FNDC1: variants seen among roughly 807,000 people sequenced by gnomAD.
FNDC1 encodes the protein fibronectin type III domain containing 1.
FNDC1 carries 96 observed loss-of-function variants against 168.0 expected under a neutral mutation model. That is an observed-to-expected ratio of 0.57 (90% CI 0.48 to 0.68). The LOEUF (loss-of-function observed/expected upper bound fraction) is 0.68, where lower values mean the gene tolerates loss of function less well. Ranked by LOEUF, FNDC1 falls within the 30% of genes least tolerant of loss-of-function variation. The pLI, the probability that FNDC1 is intolerant of heterozygous loss-of-function variation, is 0.00. For missense variants in FNDC1, 2,587 were observed against 2,482.1 expected (o/e 1.04, Z -0.90); for synonymous variants, 1,099 against 1,025.9 (o/e 1.07, Z -1.36).
intron 1 of FNDC1, among the ~76,000 whole-genome samples, chr6:159,176,286 A>G (rs754361102): frequency 1.1e-4 from 17 of 152,146 alleles, no homozygotes; most frequent in Non-Finnish European, 2.1e-4. Context: ...TCATTCATTC[A>G]TCCATTCAGC....
chr6:159,256,653 G>T (rs1216458726), intron 18 of FNDC1, 22 bp downstream of exon 18: 13 of 1,526,888 alleles, frequency 8.5e-6, no homozygotes, highest in African/African-American at 1.4e-5. Context: ...CAGTCATTTA[G>T]AAAAGATGAG....
chr6:159,236,249 C>G lies in FNDC1; in HGVS notation c.4002C>G (p.Val1334=), dbSNP rs748943671. ...GCAGACCAAATGTAGAAGGGAAAGT[C>G]CTTCCTGGTAGTAATGGAAAACCGA... is the stretch of plus-strand genomic sequence containing the variant. ...YNGRPNVEGK[V]LPGSNGKPNG... The change falls in exon 12 of 23, where the codon GTC becomes GTG. Residue 1334 remains valine (V), a synonymous_variant. Coordinates refer to ENST00000297267, the MANE Select transcript of FNDC1 (RefSeq NM_032532.3). 1.2e-6 allele frequency: 2 copies of G among 1,613,590 alleles called. No individual in the cohort carries two copies. Among genetic ancestry groups the G allele is most frequent in the African/African-American group, 2.7e-5 (2 of 74,898 alleles).
chr6:159,239,837 A>T lies in FNDC1; in HGVS notation c.4501A>T (p.Thr1501Ser). Reference protein sequence around the residue: ...VRTTTRTTTTTTPTPTTPIPT... With the variant: ...VRTTTRTTTTSTPTPTTPIPT... ...AACCACTACGCGGACAACCACCACC[A>T]CCACCCCCACACCCACCACTCCCAT... The change falls in exon 14 of 23, where the codon ACC becomes TCC. Residue 1501 changes from threonine (T) to serine (S), a missense_variant. Physicochemically the swap from Thr to Ser is moderately conservative, Grantham distance 58 (BLOSUM62 1). Transcript: ENST00000297267. 1.3e-6 allele frequency: 2 copies of T among 1,545,036 alleles called. No individual in the cohort carries two copies. Among genetic ancestry groups the T allele is most frequent in the Non-Finnish European group, 8.8e-7 (1 of 1,142,198 alleles).
At chr6:159,178,515 G>T (rs1781814389) in intron 1 of FNDC1, among the ~76,000 whole-genome samples, 1 of 152,070 alleles carries the variant, frequency 6.6e-6, no homozygotes, top group Admixed American at 6.5e-5. Context: ...AGATGCAGAA[G>T]AGTTCTCTGA....
At position 159,169,832 on chromosome 6, in the gene FNDC1, C is replaced by T. The variant is rs1396184958; in HGVS notation, c.109+127C>T. The T allele has an allele frequency of 1.1e-5, 3 of 280,054 alleles. No individual in the cohort carries two copies. The highest frequency in any genetic ancestry group is 1.2e-3 in the Middle Eastern group (1 of 828). The allele number at this position is 280,054 out of a possible 1,614,324, so 17.3% of individuals were successfully genotyped here. On this transcript the variant is annotated intron_variant, in intron 1 of 22. Coordinates refer to ENST00000297267, the MANE Select transcript of FNDC1 (RefSeq NM_032532.3). The surrounding 1 kb of genome is among the most constrained non-coding windows in gnomAD (Gnocchi z 6.8). ...CTAGCCTGTGCGTCCTCGTCACTCG[C>T]GGGTCGGGGCACTTGGCGCCCTGTG...
In FNDC1 at chr6:159,266,125, C is replaced by T; in HGVS notation, c.5326C>T (p.Pro1776Ser). The T allele has an allele frequency of 1.2e-6, 2 of 1,613,904 alleles. No individual in the cohort carries two copies. The highest frequency in any genetic ancestry group is 1.7e-6 in the Non-Finnish European group (2 of 1,179,834). ...IWIPFAFKHDPSYTDCHGRQY... is the reference protein window; with the variant it reads ...IWIPFAFKHDSSYTDCHGRQY... The stretch of plus-strand genomic sequence containing the variant: ...GATCCCATTCGCTTTCAAACATGAT[C>T]CCAGCTACACGGACTGCCATGGACG... Residue 1776 changes from proline to serine, a missense_variant, in exon 21 of 23, where the codon CCC (proline) becomes TCC (serine). Physicochemically the swap from Pro to Ser is moderately conservative, Grantham distance 74. Transcript: ENST00000297267.
rs2114907893 is a variant in FNDC1 at position 159,169,801 on chromosome 6, G to A, written c.109+96G>A. On this transcript the variant is annotated intron_variant, in intron 1 of 22. Transcript: ENST00000297267. The surrounding 1 kb of genome is among the most constrained non-coding windows in gnomAD (Gnocchi z 6.8). ...TCCCGCTCAGTGCTGGCTACGGGTC[G>A]TGTCACTAGCCTGTGCGTCCTCGTC... The A allele has an allele frequency of 5.4e-6, 2 of 370,552 alleles. No individual in the cohort carries two copies. The highest frequency in any genetic ancestry group is 1.2e-4 in the South Asian group (1 of 8,192). 23.0% of individuals were successfully genotyped at this position (370,552 alleles called of 1,614,324 possible). A position where few individuals can be genotyped will look rare whatever the true frequency, so the allele number is the denominator to read the frequency against.
Position 159,232,557 on chromosome 6 carries a change from G to C in FNDC1, c.2045G>C (p.Arg682Pro), listed in dbSNP as rs1384956388. 3 of 1,611,592 alleles carry C rather than the reference G, an allele frequency of 1.9e-6. No individual in the cohort carries two copies. In the African/African-American group the frequency reaches 4.0e-5, roughly 22 times the overall value. The change falls in exon 11 of 23, where the codon CGC (arginine) becomes CCC (proline). Residue 682 changes from arginine to proline, a missense_variant. Transcript: ENST00000297267. The surrounding 1 kb of genome is among the most constrained non-coding windows in gnomAD (Gnocchi z 4.9). ...CGCCAGTCCCCGTCCAGCGTTCTCC[G>C]CGACAGAAGCTCTGTGCACCCCGGC... ...PSRQSPSSVL[R>P]DRSSVHPGAK...
At chr6:159,265,933 A>G in intron 20 of FNDC1, 151 bp from the exon 21 acceptor site, 1 of 878,772 alleles carries the variant, frequency 1.1e-6, no homozygotes, top group East Asian at 2.8e-5. Flanking sequence ...ATCAAAAACA[A>G]ACAAACAAAC....
intron 5 of FNDC1, 142 bp downstream of exon 5, chr6:159,215,293 GT>G (rs1356825129): frequency 1.2e-6 from 1 of 818,982 alleles, no homozygotes; most frequent in African/African-American, 1.7e-5. Context: ...AATCTCTACT[GT>G]TTCTTCCATG....
chr6:159,269,058 GTCTATCTA>G (rs201260395), intron 22 of FNDC1, among the ~76,000 whole-genome samples: 6,878 of 136,940 alleles, frequency 0.05, 199 homozygotes, highest in Middle Eastern at 0.087. Flanking sequence ...CTATCTATCT[GTCTATCTA>G]TCTATCTATC....
intron 4 of FNDC1, 61 bp from the exon 5 acceptor site, chr6:159,214,884 C>A: frequency 6.7e-7 from 1 of 1,481,724 alleles, no homozygotes; most frequent in Non-Finnish European, 9.4e-7. Flanking sequence ...ACCTCATGTG[C>A]ATGATGGCAA....
At chr6:159,267,688 C>A in intron 21 of FNDC1, 116 bp from the exon 22 acceptor site, 1 of 1,055,408 alleles carries the variant, frequency 9.5e-7, no homozygotes, top group Non-Finnish European at 1.4e-6. Context: ...ATACAGCACA[C>A]ACAGTTTAAG....
chr6:159,169,681 G>A lies in FNDC1; in HGVS notation c.85G>A (p.Val29Ile), dbSNP rs568662089. Residue 29 changes from valine (V) to isoleucine (I), a missense_variant, in exon 1 of 23, where the codon GTC becomes ATC. Coordinates refer to ENST00000297267, the MANE Select transcript of FNDC1 (RefSeq NM_032532.3). The surrounding 1 kb of genome is among the most constrained non-coding windows in gnomAD (Gnocchi z 6.8). ...ALLLLAALLPVASSAAASVDH... is the reference protein window; with the variant it reads ...ALLLLAALLPIASSAAASVDH... ...GCTGCTCTTGGCCGCGCTGCTCCCC[G>A]TCGCCTCCTCGGCGGCGGCCTCAGG... The A allele has an allele frequency of 5.2e-6, 6 of 1,161,224 alleles. No homozygotes were observed. Among genetic ancestry groups the A allele is most frequent in the African/African-American group, 1.6e-5 (1 of 61,630 alleles). 71.9% of individuals were successfully genotyped at this position (1,161,224 alleles called of 1,614,324 possible). A position where few individuals can be genotyped will look rare whatever the true frequency, so the allele number is the denominator to read the frequency against.
chr6:159,187,972 C>A (rs1485957967), intron 1 of FNDC1, among the ~76,000 whole-genome samples: 6 of 152,254 alleles, frequency 3.9e-5, no homozygotes, highest in African/African-American at 1.4e-4. Context: ...ACATCCTAAC[C>A]TTTTCTGGCT....
intron 4 of FNDC1, among the ~76,000 whole-genome samples, chr6:159,204,402 A>T (rs754005102): frequency 1.3e-5 from 2 of 151,780 alleles, no homozygotes; most frequent in Non-Finnish European, 2.9e-5. Context: ...CAAAATCTAG[A>T]CTCCTGGAAT....
rs182085485 is a variant in FNDC1 at position 159,230,693 on chromosome 6, C to T, written c.1369+690C>T. ...CAACTGGAAGGGAGTGTTTTTGGAC[C>T]ATGTTTTCTTTTCTACTTCCTCACA... On this transcript the variant is annotated intron_variant, in intron 10 of 22. Transcript: ENST00000297267. Among the ~76,000 whole-genome samples the T allele has an allele frequency of 7.2e-3, 1,096 of 152,198 alleles. 14 individuals are homozygous for T. The highest frequency in any genetic ancestry group is 0.025 in the African/African-American group (1,050 of 41,528).
At chr6:159,261,307 C>G (rs75204303) in intron 19 of FNDC1, 38 bp downstream of exon 19, 1 of 1,405,476 alleles carries the variant, frequency 7.1e-7, no homozygotes, top group Non-Finnish European at 1.0e-6. Flanking sequence ...TTTTACTTTT[C>G]GAGAAAATGA....
At chr6:159,210,585 T>C (rs1461074929) in intron 4 of FNDC1, among the ~76,000 whole-genome samples, 1 of 152,190 alleles carries the variant, frequency 6.6e-6, no homozygotes, top group Non-Finnish European at 1.5e-5. Context: ...ATATTGGGTA[T>C]GTAGAAGAAG....
Sources: gnomAD v4.1 joint callset for allele counts (sites outside exome capture counted in the v4.1 genomes callset) on GRCh38, gnomAD v4.1.1 for gene constraint, Gnocchi (gnomAD v3.1) non-coding constraint, MANE v1.5 for transcripts, NCBI Gene and HGNC (gene_info 2026-07-23, HGNC 2026-07-21) for gene names.